Variants in TNFSF4 observed in about 807,000 individuals in gnomAD.
TNFSF4 encodes tumor necrosis factor ligand superfamily member 4.
In TNFSF4, 4 loss-of-function variants were observed where a neutral mutation model predicts 7.3. That is an observed-to-expected ratio of 0.55 (90% confidence interval 0.27 to 1.25). The LOEUF is 1.25. Among genes scored for constraint, TNFSF4 ranks in the 50% most tolerant of loss-of-function variants. The probability of loss-of-function intolerance (pLI) is 0.12; values close to 1 mark genes in which losing one functional copy is unlikely to be tolerated. For missense variants in TNFSF4, 181 were observed against 208.8 expected (o/e 0.87, Z 0.82); for synonymous variants, 76 against 83.7 (o/e 0.91, Z 0.50).
the TNFSF4 span, among the ~76,000 whole-genome samples, chr1:173,385,558 G>C: frequency 1.3e-5 from 2 of 152,240 alleles, no homozygotes; most frequent in Non-Finnish European, 2.9e-5. Flanking sequence ...GAACAAGCTA[G>C]TAGAGATTTT....
chr1:173,180,166 T>C (rs560397157), downstream of TNFSF4, among the ~76,000 whole-genome samples: 2 of 152,340 alleles, frequency 1.3e-5, no homozygotes, highest in African/African-American at 4.8e-5. Flanking sequence ...TTCCTTTCTT[T>C]ACCACCCATA....
At chr1:173,396,431 G>A in the TNFSF4 span, among the ~76,000 whole-genome samples, 3 of 152,212 alleles carry the variant, frequency 2.0e-5, no homozygotes, top group South Asian at 6.2e-4. Flanking sequence ...GATTAACTGA[G>A]CCTAGGAGGT....
At chr1:173,402,388 A>G in the TNFSF4 span, among the ~76,000 whole-genome samples, 3 of 152,172 alleles carry the variant, frequency 2.0e-5, no homozygotes, top group Non-Finnish European at 4.4e-5. Context: ...GGGACTCCAT[A>G]CTGTTGCTGT....
At chr1:173,290,387 G>A in the TNFSF4 span, among the ~76,000 whole-genome samples, 2 of 152,248 alleles carry the variant, frequency 1.3e-5, no homozygotes, top group African/African-American at 2.4e-5. Flanking sequence ...GTCAAGGGAC[G>A]AAGAAAGGTC....
chr1:173,304,418 A>T, the TNFSF4 span, among the ~76,000 whole-genome samples: 1 of 151,882 alleles, frequency 6.6e-6, no homozygotes, highest in Admixed American at 6.6e-5. Context: ...GACATAGGAA[A>T]ATCTCACTGG....
At chr1:173,192,007 T>C (rs1247007339) in intron 1 of TNFSF4, among the ~76,000 whole-genome samples, 1 of 152,126 alleles carries the variant, frequency 6.6e-6, no homozygotes. Flanking sequence ...CAAAAGCCTG[T>C]CTCTACAAAA....
At chr1:173,211,103 G>A (rs1377058246), upstream of TNFSF4, among the ~76,000 whole-genome samples, 1 of 152,206 alleles carries the variant, frequency 6.6e-6, no homozygotes, top group Non-Finnish European at 1.5e-5. Flanking sequence ...CTAAAGCAGG[G>A]AGGACACAAA....
the TNFSF4 span, among the ~76,000 whole-genome samples, chr1:173,323,696 C>A: frequency 6.6e-6 from 1 of 151,934 alleles, no homozygotes; most frequent in Non-Finnish European, 1.5e-5. Context: ...AACCATGGCA[C>A]GAGAACTACA....
chr1:173,351,970 G>T, the TNFSF4 span: 1 of 504,570 alleles, frequency 2.0e-6, no homozygotes. Context: ...AAGGAAAAGG[G>T]CAAATACAAG....
the TNFSF4 span, among the ~76,000 whole-genome samples, chr1:173,381,237 G>A: frequency 2.6e-5 from 4 of 152,100 alleles, no homozygotes; most frequent in African/African-American, 7.2e-5. Context: ...AAACCGCCGA[G>A]GCCTAGACCT....
chr1:173,420,675 T>C, the TNFSF4 span, among the ~76,000 whole-genome samples: 4 of 152,144 alleles, frequency 2.6e-5, no homozygotes, highest in African/African-American at 9.7e-5. Flanking sequence ...CACAAACTGG[T>C]CAACTTAGCA....
intron 1 of TNFSF4, among the ~76,000 whole-genome samples, chr1:173,202,791 G>C (rs1010251955): frequency 1.3e-5 from 2 of 152,094 alleles, no homozygotes; most frequent in African/African-American, 4.8e-5. Context: ...CACTCAACTT[G>C]AGCTATTCAG....
chr1:173,242,701 G>A, the TNFSF4 span, among the ~76,000 whole-genome samples: 1 of 152,090 alleles, frequency 6.6e-6, no homozygotes, highest in African/African-American at 2.4e-5. Flanking sequence ...AATAGTCAGA[G>A]AGAGATGGAG....
At chr1:173,331,208 G>A in the TNFSF4 span, among the ~76,000 whole-genome samples, 1 of 152,218 alleles carries the variant, frequency 6.6e-6, no homozygotes, top group East Asian at 1.9e-4. Context: ...TCAAAACCCA[G>A]AAAGTAAAAG....
chr1:173,371,484 T>G, the TNFSF4 span, among the ~76,000 whole-genome samples: 3 of 152,168 alleles, frequency 2.0e-5, no homozygotes, highest in Non-Finnish European at 4.4e-5. Flanking sequence ...CAAAAATGCC[T>G]GCCTAGTCCA....
the TNFSF4 span, among the ~76,000 whole-genome samples, chr1:173,297,000 C>T: frequency 4.6e-5 from 7 of 151,950 alleles, no homozygotes; most frequent in African/African-American, 1.7e-4. Flanking sequence ...AAAGCCCACA[C>T]ATTATAAAGT....
At chr1:173,179,217 A>T (rs1327833064), downstream of TNFSF4, among the ~76,000 whole-genome samples, 3 of 152,222 alleles carry the variant, frequency 2.0e-5, no homozygotes, top group African/African-American at 7.2e-5. Context: ...GAGTCTGATG[A>T]TAATATTTTT....
At chr1:173,289,793 C>A in the TNFSF4 span, among the ~76,000 whole-genome samples, 1 of 151,954 alleles carries the variant, frequency 6.6e-6, no homozygotes, top group Non-Finnish European at 1.5e-5. Context: ...CAGAAGAATA[C>A]ATCAGTGAGG....
chr1:173,369,089 T>A, the TNFSF4 span, among the ~76,000 whole-genome samples: 1 of 152,120 alleles, frequency 6.6e-6, no homozygotes, highest in African/African-American at 2.4e-5. Flanking sequence ...AGCTAGGATA[T>A]GGGGAGCCTC....
Sources: gnomAD v4.1 joint callset for allele counts (sites outside exome capture counted in the v4.1 genomes callset) on GRCh38, gnomAD v4.1.1 for gene constraint, MANE v1.5 for transcripts, NCBI Gene and HGNC (gene_info 2026-07-23, HGNC 2026-07-21) for gene names.